Variants in TTN observed in about 807,000 individuals in gnomAD.
TTN encodes the protein titin.
A neutral mutation model predicts 3,223.0 loss-of-function variants in TTN; 1,525 were observed. The observed-to-expected ratio is 0.47, with a 90% CI of 0.45 to 0.49. TTN has a LOEUF of 0.49. TTN is among the 20% of genes least tolerant of loss of function. The pLI, the probability that TTN is intolerant of heterozygous loss-of-function variation, is 0.00. For missense variants in TTN, 40,786 were observed against 43,424.0 expected (o/e 0.94, Z 5.40); for synonymous variants, 14,094 against 15,161.0 (o/e 0.93, Z 5.17).
chr2:178,627,999 A>C (rs1186769025), intron 240 of TTN, among the ~76,000 whole-genome samples: 1 of 152,072 alleles, frequency 6.6e-6, no homozygotes, highest in Non-Finnish European at 1.5e-5. Flanking sequence ...CAATATTTAG[A>C]AGACCTCATT....
intron 10 of TTN, 73 bp downstream of exon 10, chr2:178,791,999 T>C: frequency 6.5e-7 from 1 of 1,537,758 alleles, no homozygotes; most frequent in Non-Finnish European, 8.9e-7. Flanking sequence ...GGGTTTTGAC[T>C]ATAAGCTACC....
At chr2:178,768,192 C>T (rs925636704) in intron 38 of TTN, 37 bp from the exon 39 acceptor site, 2 of 1,605,670 alleles carry the variant, frequency 1.2e-6, no homozygotes, top group Non-Finnish European at 1.7e-6. Context: ...ACATTTTTAA[C>T]AGCTTTATTG....
Position 178,694,558 on chromosome 2 carries a change from A to C in TTN, c.31426+41T>G, listed in dbSNP as rs1288693391. On this transcript the variant is annotated intron_variant, in intron 117 of 362. Coordinates refer to ENST00000589042, the MANE Select transcript of TTN (RefSeq NM_001267550.2). The stretch of plus-strand genomic sequence containing the variant: ...GTACACATGTCCATACACATAAATA[A>C]AAAAATTTTGAACTTGTAGCTGAAA... The C allele has an allele frequency of 1.0e-5, 15 of 1,493,938 alleles. No individual in the cohort carries two copies. The South Asian group carries it at 1.9e-4, about 19-fold the overall frequency. 92.5% of individuals were successfully genotyped at this position (1,493,938 alleles called of 1,614,324 possible).
At position 178,785,900 on chromosome 2, in the gene TTN, G is replaced by A. The variant is rs745797840; in HGVS notation, c.2318C>T (p.Ser773Phe). The stretch of plus-strand genomic sequence containing the variant: ...ATCAGTAGTTTTGATATGAGTCTCA[G>A]AAGGAGCCTGGATTACTCTAGGCTT... ...AVKPRVIQAP[S>F]ETHIKTTDQK... Residue 773 changes from serine (S) to phenylalanine (F), a missense_variant, in exon 14 of 363, where the codon TCT becomes TTT. Physicochemically the swap from Ser to Phe is radical, Grantham distance 155. Coordinates refer to ENST00000589042, the MANE Select transcript of TTN (RefSeq NM_001267550.2). 11 of 1,614,012 alleles carry A rather than the reference G, an allele frequency of 6.8e-6. No individual in the cohort carries two copies. The highest frequency in any genetic ancestry group is 9.3e-6 in the Non-Finnish European group (11 of 1,180,010).
In TTN at chr2:178,679,615, T is replaced by G. The variant is rs1473594195; in HGVS notation, c.33648A>C (p.Glu11216Asp). The G allele has an allele frequency of 2.4e-5, 39 of 1,611,240 alleles. No homozygotes were observed. Among genetic ancestry groups the G allele is most frequent in the Non-Finnish European group, 3.3e-5 (39 of 1,179,020 alleles). The part of the protein sequence containing the change: ...KKPVPVPKKK[E>D]APPAKVPEVP... ...GTGGTGTACCTTTTGCCGGTGGAGC[T>G]TCCTTCTTCTTGGGAACAGGAACAG... The change falls in exon 141 of 363, where the codon GAA (glutamate) becomes GAC (aspartate). Residue 11216 changes from glutamate to aspartate, a missense_variant. Coordinates refer to ENST00000589042, the MANE Select transcript of TTN (RefSeq NM_001267550.2).
At chr2:178,756,854 T>C in intron 45 of TTN, 57 bp from the exon 46 acceptor site, 1 of 1,502,042 alleles carries the variant, frequency 6.7e-7, no homozygotes, top group Non-Finnish European at 9.1e-7. Flanking sequence ...GCTTTGTCAC[T>C]TGCCCATGTT....
Position 178,586,558 on chromosome 2 carries a change from C to G in TTN, c.64343G>C (p.Gly21448Ala). Residue 21448 changes from glycine (G) to alanine (A), a missense_variant, in exon 308 of 363, where the codon GGA (glycine) becomes GCA (alanine). Coordinates refer to ENST00000589042, the MANE Select transcript of TTN (RefSeq NM_001267550.2). ...TTCAGCTTCTCTTGGCAAACTGACT[C>G]CAACAGCATTTCTGGCCGCTACTCT... ...KFRVAARNAV[G>A]VSLPREAEGV... is the part of the protein sequence containing the mutation. 6.2e-7 allele frequency: 1 copy of G among 1,613,234 alleles called. No individual in the cohort carries two copies. The highest frequency in any genetic ancestry group is 8.5e-7 in the Non-Finnish European group (1 of 1,179,410).
chr2:178,794,400 T>C lies in TTN; in HGVS notation c.1397A>G (p.Gln466Arg), dbSNP rs150282120. 10 of 1,614,064 alleles carry C rather than the reference T, an allele frequency of 6.2e-6. No individual in the cohort carries two copies. The African/African-American group carries it at 1.3e-4, about 22-fold the overall frequency. ...TAVHIQPAQEQVRKEAEKTAV... is the reference protein window; with the variant it reads ...TAVHIQPAQERVRKEAEKTAV... ...GCCCCATGGCAGCCTCGCACGTACC[T>C]GTTCTTGAGCAGGTTGGATGTGCAC... The change falls in exon 8 of 363, where the codon CAG (glutamine) becomes CGG (arginine). Residue 466 changes from glutamine (Q) to arginine (R), a missense_variant and splice_region_variant. Physicochemically the swap from Gln to Arg is conservative, Grantham distance 43 (BLOSUM62 1). Transcript: ENST00000589042.
chr2:178,689,902 A>T lies in TTN; in HGVS notation c.31763-6T>A. ...TTTCTTTGGCACCTCTGGGACTTAA[A>T]GTTTTTGAAACACAATGTTAGTTCA... On this transcript the variant is annotated splice_region_variant and splice_polypyrimidine_tract_variant and intron_variant, in intron 121 of 362. Transcript: ENST00000589042. The T allele has an allele frequency of 6.2e-7, 1 of 1,612,206 alleles. No individual in the cohort carries two copies. Among genetic ancestry groups the T allele is most frequent in the African/African-American group, 1.3e-5 (1 of 74,954 alleles).
intron 24 of TTN, chr2:178,778,597 A>C (rs1398509067): frequency 1.3e-5 from 6 of 451,364 alleles, no homozygotes; most frequent in Non-Finnish European, 1.6e-5. Context: ...CTGTTGTATA[A>C]ATTTACATAT....
chr2:178,768,275 T>C, intron 38 of TTN, 120 bp from the exon 39 acceptor site: 1 of 1,242,832 alleles, frequency 8.0e-7, no homozygotes, highest in Non-Finnish European at 1.1e-6. Flanking sequence ...GTATTCATCA[T>C]TGTGTAGCCA....
In TTN at chr2:178,580,619, T is replaced by G. The variant is rs769421715; in HGVS notation, c.66770-10A>C. ...TCTCCCTCAGGTGGAACTGTTTAAT[T>G]TTGGGTGAAGAAGTTAAATAAAAAT... On this transcript the variant is annotated splice_polypyrimidine_tract_variant and intron_variant, in intron 316 of 362. Transcript: ENST00000589042. 1.9e-5 allele frequency: 30 copies of G among 1,592,594 alleles called. No individual in the cohort carries two copies. The highest frequency in any genetic ancestry group is 2.2e-5 in the Non-Finnish European group (26 of 1,174,488).
Position 178,705,340 on chromosome 2 carries a change from T to A in TTN, c.29438A>T (p.Lys9813Ile). ...AATTTCCTCTTCTTCTCCAGCTCCT[T>A]TCTTTAAGATTGGAGTCCTAAATAA... ...AMLKKTPILK[K>I]GAGEEEEIDI... The change falls in exon 103 of 363, where the codon AAA becomes ATA. Residue 9813 changes from lysine to isoleucine, a missense_variant. Coordinates refer to ENST00000589042, the MANE Select transcript of TTN (RefSeq NM_001267550.2). The A allele has an allele frequency of 1.3e-6, 2 of 1,590,856 alleles. No individual in the cohort carries two copies. The highest frequency in any genetic ancestry group is 1.7e-6 in the Non-Finnish European group (2 of 1,168,750).
In TTN at chr2:178,741,392, A is replaced by C; in HGVS notation, c.11841T>G (p.Ile3947Met). Reference sequence around the variant, plus strand: ...TGGCAGGAAGCCCTTGAGCACAGCGAATTGGTTTTAACTCCTTAAGGAAGT... The same window carrying C: ...TGGCAGGAAGCCCTTGAGCACAGCGCATTGGTTTTAACTCCTTAAGGAAGT... Reference protein sequence around the residue: ...PPHFLKELKPIRCAQGLPAIF... With the variant: ...PPHFLKELKPMRCAQGLPAIF... The change falls in exon 48 of 363, where the codon ATT becomes ATG. Residue 3947 changes from isoleucine (I) to methionine (M), a missense_variant. Ile to Met is a conservative substitution (Grantham distance 10). Coordinates refer to ENST00000589042, the MANE Select transcript of TTN (RefSeq NM_001267550.2). The C allele has an allele frequency of 6.2e-7, 1 of 1,613,834 alleles. No homozygotes were observed. The highest frequency in any genetic ancestry group is 2.2e-5 in the East Asian group (1 of 44,860).
Position 178,565,307 on chromosome 2 carries a change from CCTT to C in TTN, c.80822_80824del (p.Glu26941del). ...GTATTTTCCAAAGTCATCTTTGTTA[CCTT>C]CTTTAATGTGCAAAACAGTTGAGGT... On this transcript the variant is annotated inframe_deletion, in exon 326 of 363. Coordinates refer to ENST00000589042, the MANE Select transcript of TTN (RefSeq NM_001267550.2). The C allele has an allele frequency of 6.2e-7, 1 of 1,613,620 alleles. No individual in the cohort carries two copies. The highest frequency in any genetic ancestry group is 8.5e-7 in the Non-Finnish European group (1 of 1,179,684).
chr2:178,630,544 T>A (rs746400877), intron 238 of TTN, among the ~76,000 whole-genome samples, 177 bp from the exon 239 acceptor site: 9 of 152,090 alleles, frequency 5.9e-5, no homozygotes, highest in Non-Finnish European at 1.2e-4. Flanking sequence ...AAAGCCACAT[T>A]TATTTTAGCT....
In TTN at chr2:178,565,647, T is replaced by C. The variant is rs781744126; in HGVS notation, c.80485A>G (p.Ile26829Val). The C allele has an allele frequency of 1.9e-6, 3 of 1,613,584 alleles. No individual in the cohort carries two copies. The highest frequency in any genetic ancestry group is 2.5e-6 in the Non-Finnish European group (3 of 1,179,638). The change falls in exon 326 of 363, where the codon ATT becomes GTT. Residue 26829 changes from isoleucine (I) to valine (V), a missense_variant. Physicochemically the swap from Ile to Val is conservative, Grantham distance 29. Coordinates refer to ENST00000589042, the MANE Select transcript of TTN (RefSeq NM_001267550.2). Reference protein sequence around the residue: ...MQPKGTEKWSIVAESKVCNAV... With the variant: ...MQPKGTEKWSVVAESKVCNAV... ...TTACAGACTTTGGATTCAGCCACAA[T>C]GCTCCATTTTTCAGTTCCTTTGGGC...
Position 178,591,063 on chromosome 2 carries a change from A to G in TTN, c.60662T>C (p.Val20221Ala). 1 of 1,613,324 alleles carries G rather than the reference A, an allele frequency of 6.2e-7. No individual in the cohort carries two copies. The highest frequency in any genetic ancestry group is 1.1e-5 in the South Asian group (1 of 91,062). ...KQDTRKDTWGVVSSGSSKTKL... is the reference protein window; with the variant it reads ...KQDTRKDTWGAVSSGSSKTKL... Reference sequence around the variant, plus strand: ...TGTCTTACTGCTTCCGGAAGAGACAACACCCCACGTGTCTTTCCTTGTATC... The same window carrying G: ...TGTCTTACTGCTTCCGGAAGAGACAGCACCCCACGTGTCTTTCCTTGTATC... The change falls in exon 304 of 363, where the codon GTT becomes GCT. Residue 20221 changes from valine (V) to alanine (A), a missense_variant. Transcript: ENST00000589042.
In TTN at chr2:178,766,401, G is replaced by C. The variant is rs371249764; in HGVS notation, c.9683C>G (p.Ser3228Cys). The change falls in exon 41 of 363, where the codon TCT (serine) becomes TGT (cysteine). Residue 3228 changes from serine (S) to cysteine (C), a missense_variant. By Grantham distance (112) the Ser-to-Cys change is moderately radical (BLOSUM62 -1). Coordinates refer to ENST00000589042, the MANE Select transcript of TTN (RefSeq NM_001267550.2). ...YTFVAGRNRS[S>C]VTLYVNAPEP... ...CATACCATTGACATAGAGAGTGACA[G>C]AACTCCTGTTCCTTCCTGCCACAAA... The C allele has an allele frequency of 1.5e-5, 25 of 1,613,282 alleles. No individual in the cohort carries two copies. The highest frequency in any genetic ancestry group is 2.0e-5 in the Non-Finnish European group (24 of 1,179,390).
Sources: allele counts gnomAD v4.1 joint callset (sites outside exome capture counted in the v4.1 genomes callset), GRCh38; gene constraint gnomAD v4.1.1; transcripts MANE v1.5; gene names NCBI Gene and HGNC (gene_info 2026-07-23, HGNC 2026-07-21).